The following MRPS27 variants were observed in gnomAD, a reference collection of about 807,000 sequenced individuals.
MRPS27 encodes small ribosomal subunit protein mS27.
In MRPS27, 43 loss-of-function variants were observed where a neutral mutation model predicts 48.9. The observed-to-expected ratio is 0.88, with a 90% CI of 0.69 to 1.13. MRPS27 has a LOEUF of 1.13. Ranked by LOEUF, MRPS27 falls within the 50% of genes most tolerant of loss-of-function variation. The pLI is 0.00. For missense variants in MRPS27, 467 were observed against 476.3 expected, an observed-to-expected ratio of 0.98 and a Z score of 0.18; for synonymous variants, 188 against 171.9, an observed-to-expected ratio of 1.09 and a Z score of -0.73.
intron 4 of MRPS27, among the ~76,000 whole-genome samples, chr5:72,276,645 G>T (rs1213244819): frequency 6.6e-6 from 1 of 151,756 alleles, no homozygotes; most frequent in African/African-American, 2.4e-5. Flanking sequence ...AGAACAGGAG[G>T]AAATTTGTGC....
At chr5:72,288,360 A>G (rs1240191780) in intron 4 of MRPS27, among the ~76,000 whole-genome samples, 13 of 151,836 alleles carry the variant, frequency 8.6e-5, no homozygotes. Flanking sequence ...GGCGCCCACC[A>G]CCATGCCCAG....
intron 4 of MRPS27, among the ~76,000 whole-genome samples, chr5:72,246,554 C>T (rs1373171534): frequency 6.6e-6 from 1 of 152,184 alleles, no homozygotes; most frequent in Non-Finnish European, 1.5e-5. Context: ...AGACTCCTTT[C>T]AACCCTGGAA....
intron 4 of MRPS27, among the ~76,000 whole-genome samples, chr5:72,270,668 C>T (rs548845549): frequency 2.9e-4 from 44 of 152,260 alleles, no homozygotes; most frequent in Non-Finnish European, 5.1e-4. Context: ...TGACATTATA[C>T]AATCCTGACG....
Position 72,232,476 on chromosome 5 carries a change from T to G in MRPS27, c.558A>C (p.Leu186Phe). ...CTGTCTTCTTTGCCAGGCAATGAAA[T>G]AAAACATAGAGGGAGAGAAGTTGGG... ...PSTQLLSLYV[L>F]FHCLAKKTDF... The change falls in exon 7 of 11, where the codon TTA (leucine) becomes TTC (phenylalanine). Residue 186 changes from leucine (L) to phenylalanine (F), a missense_variant. Leu to Phe is a conservative substitution (Grantham distance 22, BLOSUM62 0). Coordinates refer to ENST00000261413, the MANE Select transcript of MRPS27 (RefSeq NM_015084.3). 5 of 1,612,354 alleles carry G rather than the reference T, an allele frequency of 3.1e-6. No individual in the cohort carries two copies. The highest frequency in any genetic ancestry group is 4.2e-6 in the Non-Finnish European group (5 of 1,178,974).
At chr5:72,311,921 C>T (rs932484084) in intron 2 of MRPS27, among the ~76,000 whole-genome samples, 1 of 152,146 alleles carries the variant, frequency 6.6e-6, no homozygotes, top group Admixed American at 6.5e-5. Flanking sequence ...TCACCTGACA[C>T]CAGGAGTTCA....
chr5:72,264,125 A>G (rs1411430956), intron 4 of MRPS27, among the ~76,000 whole-genome samples: 1 of 152,226 alleles, frequency 6.6e-6, no homozygotes, highest in Non-Finnish European at 1.5e-5. Context: ...ATGCTAAGTG[A>G]AAGAAGCCAG....
At chr5:72,230,947 C>T (rs1748050994) in intron 7 of MRPS27, among the ~76,000 whole-genome samples, 1 of 152,084 alleles carries the variant, frequency 6.6e-6, no homozygotes, top group Non-Finnish European at 1.5e-5. Context: ...GGTCTCTATG[C>T]TACCATTATC....
chr5:72,315,937 T>A (rs992393734), intron 1 of MRPS27, among the ~76,000 whole-genome samples: 1 of 152,242 alleles, frequency 6.6e-6, no homozygotes. Flanking sequence ...ATGTTCACAG[T>A]AGTATTATTC....
chr5:72,232,117 G>A (rs1748077880), intron 7 of MRPS27, among the ~76,000 whole-genome samples: 1 of 152,124 alleles, frequency 6.6e-6, no homozygotes, highest in African/African-American at 2.4e-5. Flanking sequence ...CCCAGGTAAT[G>A]GTCAACGTTA....
chr5:72,244,716 G>C (rs1188570597), intron 4 of MRPS27, among the ~76,000 whole-genome samples: 2 of 151,074 alleles, frequency 1.3e-5, no homozygotes, highest in South Asian at 4.2e-4. Flanking sequence ...CGGAAGTGTT[G>C]CTATGTTGAC....
chr5:72,302,515 A>G (rs994143467), intron 2 of MRPS27, among the ~76,000 whole-genome samples: 1 of 152,272 alleles, frequency 6.6e-6, no homozygotes, highest in African/African-American at 2.4e-5. Context: ...TAGGAATTCC[A>G]TTGCTGGAAT....
intron 4 of MRPS27, among the ~76,000 whole-genome samples, chr5:72,289,460 C>T (rs778470049): frequency 6.6e-6 from 1 of 151,482 alleles, no homozygotes; most frequent in Non-Finnish European, 1.5e-5. Context: ...CTCACTCTGT[C>T]ACCTACGCTG....
At chr5:72,246,003 G>C (rs536031575) in intron 4 of MRPS27, among the ~76,000 whole-genome samples, 34 of 152,244 alleles carry the variant, frequency 2.2e-4, no homozygotes, top group Admixed American at 9.2e-4. Context: ...CCAATTCATA[G>C]CTAGTTTCTA....
intron 4 of MRPS27, among the ~76,000 whole-genome samples, chr5:72,262,313 G>T (rs1749002702): frequency 6.6e-6 from 1 of 152,120 alleles, no homozygotes; most frequent in South Asian, 2.1e-4. Flanking sequence ...GTCAACGAAA[G>T]GTGCTGCTGC....
At chr5:72,246,584 A>C (rs1463426992) in intron 4 of MRPS27, among the ~76,000 whole-genome samples, 3 of 152,234 alleles carry the variant, frequency 2.0e-5, no homozygotes, top group Non-Finnish European at 4.4e-5. Context: ...AAAGCAACCT[A>C]GGCCAAGTAA....
At chr5:72,240,245 A>T (rs6864011) in intron 4 of MRPS27, among the ~76,000 whole-genome samples, 1 of 152,252 alleles carries the variant, frequency 6.6e-6, no homozygotes, top group East Asian at 1.9e-4. Context: ...TTTCCTTTTC[A>T]GGGCATTTAG....
At chr5:72,262,225 T>C (rs1256096244) in intron 4 of MRPS27, among the ~76,000 whole-genome samples, 1 of 152,192 alleles carries the variant, frequency 6.6e-6, no homozygotes, top group African/African-American at 2.4e-5. Context: ...GGTTCTTATC[T>C]ATAAAATGAG....
chr5:72,264,520 G>A (rs565150339), intron 4 of MRPS27, among the ~76,000 whole-genome samples: 2 of 152,250 alleles, frequency 1.3e-5, no homozygotes, highest in Non-Finnish European at 2.9e-5. Context: ...TTGGAAATAC[G>A]GTCTTTTGCA....
Position 72,275,067 on chromosome 5 carries a change from T to C in MRPS27, c.281+20464A>G, listed in dbSNP as rs145292881. Among the ~76,000 whole-genome samples the C allele has an allele frequency of 5.7e-3, 875 of 152,176 alleles. 2 individuals are homozygous for C. Among genetic ancestry groups the C allele is most frequent in the Admixed American group, 8.8e-3 (135 of 15,276 alleles). ...GAGAAAGAAATAAAGGGTATTCAAA[T>C]AGGAAGAGAGGAAATCAAATTGTCT... is the stretch of plus-strand genomic sequence containing the variant. On this transcript the variant is annotated intron_variant, in intron 4 of 10. Transcript: ENST00000261413.
Sources: gnomAD v4.1 joint callset for allele counts (sites outside exome capture counted in the v4.1 genomes callset) on GRCh38, gnomAD v4.1.1 for gene constraint, MANE v1.5 for transcripts, NCBI Gene and HGNC (gene_info 2026-07-23, HGNC 2026-07-21) for gene names.